SLC27A4: variants seen among roughly 807,000 people sequenced by gnomAD.
SLC27A4 encodes long-chain fatty acid transport protein 4.
In SLC27A4, 33 loss-of-function variants were observed where a neutral mutation model predicts 64.4. That is an observed-to-expected ratio of 0.51 (90% CI 0.39 to 0.68). The LOEUF (loss-of-function observed/expected upper bound fraction) is 0.68, where lower values mean the gene tolerates loss of function less well. Ranked by LOEUF, SLC27A4 falls within the 30% of genes least tolerant of loss-of-function variation. The pLI is 0.00. For synonymous variants in SLC27A4, 377 were observed against 370.0 expected, an observed-to-expected ratio of 1.02 and a Z score of -0.22; for missense variants, 824 against 883.5, an observed-to-expected ratio of 0.93 and a Z score of 0.85.
In SLC27A4 at chr9:128,360,370, A is replaced by G. The variant is rs1238531438; in HGVS notation, c.1811A>G (p.Glu604Gly). The part of the protein sequence containing the change: ...YKFQKTELRK[E>G]GFDPAIVKDP... Reference sequence around the variant, plus strand: ...TTCCAGAAGACAGAGCTACGGAAGGAGGGCTTTGACCCGGCTATTGTGAAA... The same window carrying G: ...TTCCAGAAGACAGAGCTACGGAAGGGGGGCTTTGACCCGGCTATTGTGAAA... Residue 604 changes from glutamate (E) to glycine (G), a missense_variant, in exon 13 of 13, where the codon GAG (glutamate) becomes GGG (glycine). By Grantham distance (98) the Glu-to-Gly change is moderately conservative. Coordinates refer to ENST00000300456, the MANE Select transcript of SLC27A4 (RefSeq NM_005094.4). 2 of 1,614,028 alleles carry G rather than the reference A, an allele frequency of 1.2e-6. No homozygotes were observed. The highest frequency in any genetic ancestry group is 3.3e-5 in the Admixed American group (2 of 59,986).
At chr9:128,350,280 C>T in intron 4 of SLC27A4, 32 bp from the exon 5 acceptor site, 2 of 1,604,116 alleles carry the variant, frequency 1.2e-6, no homozygotes. Context: ...CCTGAGCTGC[C>T]CCCGACAGCC....
At chr9:128,342,084 A>T in intron 1 of SLC27A4, 1 of 679,272 alleles carries the variant, frequency 1.5e-6, no homozygotes, top group Non-Finnish European at 2.7e-6. Flanking sequence ...ATCCGGTTTT[A>T]GGGACCCTGG....
rs1832555633 is a variant in SLC27A4 at position 128,340,669 on chromosome 9, C to T, written c.-176C>T. 1 of 251,824 alleles carries T rather than the reference C, an allele frequency of 4.0e-6. No homozygotes were observed. 15.6% of individuals were successfully genotyped at this position (251,824 alleles called of 1,614,324 possible). A position where few individuals can be genotyped will look rare whatever the true frequency, so the allele number is the denominator to read the frequency against. ...TAGGAGCGCGGCGGGCGGGGCCGGGCGGCGGGCGGGGCTGGCGGGGCGGCC... is the reference window on the plus strand; with the variant it reads ...TAGGAGCGCGGCGGGCGGGGCCGGGTGGCGGGCGGGGCTGGCGGGGCGGCC... On this transcript the variant is annotated 5_prime_UTR_variant, in exon 1 of 13. Coordinates refer to ENST00000300456, the MANE Select transcript of SLC27A4 (RefSeq NM_005094.4).
chr9:128,360,455 C>T lies in SLC27A4; in HGVS notation c.1896C>T (p.Ala632=). Reference sequence around the variant, plus strand: ...GCTACGTCCCGCTGGACCAAGAGGCCTACAGCCGCATCCAGGCAGGCGAGG... The same window carrying T: ...GCTACGTCCCGCTGGACCAAGAGGCTTACAGCCGCATCCAGGCAGGCGAGG... ...KGRYVPLDQE[A]YSRIQAGEEK... The change falls in exon 13 of 13, where the codon GCC becomes GCT. Residue 632 remains alanine, a synonymous_variant. Coordinates refer to ENST00000300456, the MANE Select transcript of SLC27A4 (RefSeq NM_005094.4). 2 of 1,614,072 alleles carry T rather than the reference C, an allele frequency of 1.2e-6. No individual in the cohort carries two copies. The highest frequency in any genetic ancestry group is 1.7e-6 in the Non-Finnish European group (2 of 1,180,040).
At chr9:128,352,555 T>C in intron 6 of SLC27A4, 83 bp from the exon 7 acceptor site, 6 of 1,113,354 alleles carry the variant, frequency 5.4e-6, no homozygotes, top group Non-Finnish European at 8.1e-6. Context: ...CAAGCCTGCC[T>C]GGCTGGATGG....
Position 128,350,487 on chromosome 9 carries a change from T to A in SLC27A4, c.789T>A (p.Tyr263Ter), listed in dbSNP as rs1162638030. Residue 263 changes from tyrosine (Y) to a stop codon, truncating the protein, a stop_gained, in exon 6 of 13, where the codon TAT becomes TAA. Coordinates refer to ENST00000300456, the MANE Select transcript of SLC27A4 (RefSeq NM_005094.4). LOFTEE classifies it high-confidence loss of function. ...PKAAIVVHSR[Y>*]YRMAALVYYG... is the part of the protein sequence containing the mutation. ...CCTTGGCCCTGTGCCTTCCCAGGTA[T>A]TACCGCATGGCTGCCCTGGTGTACT... 3 of 1,613,960 alleles carry A rather than the reference T, an allele frequency of 1.9e-6. No homozygotes were observed. The highest frequency in any genetic ancestry group is 2.5e-6 in the Non-Finnish European group (3 of 1,179,960).
At chr9:128,358,630 A>G (rs1294092351) in intron 12 of SLC27A4, among the ~76,000 whole-genome samples, 1 of 152,074 alleles carries the variant, frequency 6.6e-6, no homozygotes, top group Non-Finnish European at 1.5e-5. Context: ...TTTTTTTATT[A>G]GACATGGGGT....
At chr9:128,352,867 G>A in intron 7 of SLC27A4, 120 bp downstream of exon 7, 1 of 1,069,460 alleles carries the variant, frequency 9.4e-7, no homozygotes, top group Non-Finnish European at 1.4e-6. Context: ...CTCATTTGTG[G>A]CAAAGTTCCC....
Position 128,353,306 on chromosome 9 carries a change from G to A in SLC27A4, c.1197+72G>A. On this transcript the variant is annotated intron_variant, in intron 8 of 12. Coordinates refer to ENST00000300456, the MANE Select transcript of SLC27A4 (RefSeq NM_005094.4). The surrounding 1 kb of genome is among the most constrained non-coding windows in gnomAD (Gnocchi z 4.9). ...CAGAAGGCACTGGATGCAGAGGGGA[G>A]GGCAGAGTTCGAGCGTGAGAGTGTG... 2 of 1,608,662 alleles carry A rather than the reference G, an allele frequency of 1.2e-6. No individual in the cohort carries two copies. The highest frequency in any genetic ancestry group is 1.1e-5 in the South Asian group (1 of 90,924).
intron 6 of SLC27A4, among the ~76,000 whole-genome samples, chr9:128,351,460 C>T (rs952332492): frequency 1.6e-4 from 24 of 152,036 alleles, no homozygotes; most frequent in African/African-American, 5.5e-4. Flanking sequence ...CGCAGTGGCT[C>T]ACGCCTGTAA....
chr9:128,345,273 A>C lies in SLC27A4; in HGVS notation c.280A>C (p.Ile94Leu), dbSNP rs748282554. ...VRRHPDKTALIFEGTDTHWTF... is the reference protein window; with the variant it reads ...VRRHPDKTALLFEGTDTHWTF... ...GCGCCACCCCGACAAGACGGCCCTG[A>C]TCTTCGAGGGCACAGATACCCACTG... Residue 94 changes from isoleucine (I) to leucine (L), a missense_variant, in exon 3 of 13, where the codon ATC becomes CTC. By Grantham distance (5) the Ile-to-Leu change is conservative. Transcript: ENST00000300456. This position sits in a 1 kb window ranked among gnomAD's most constrained non-coding sequence, Gnocchi z 4.1. 1 of 1,613,742 alleles carries C rather than the reference A, an allele frequency of 6.2e-7. No homozygotes were observed. Among genetic ancestry groups the C allele is most frequent in the Admixed American group, 1.7e-5 (1 of 59,988 alleles).
intron 3 of SLC27A4, among the ~76,000 whole-genome samples, chr9:128,346,921 C>G (rs1023833540): frequency 6.6e-6 from 1 of 151,994 alleles, no homozygotes; most frequent in East Asian, 1.9e-4. Context: ...AGGAGAATCG[C>G]TTGAACCCAG....
chr9:128,357,440 A>G (rs138927286), intron 12 of SLC27A4, among the ~76,000 whole-genome samples: 30 of 151,004 alleles, frequency 2.0e-4, no homozygotes, highest in Admixed American at 5.3e-4. Context: ...ACTCTGTCTC[A>G]AAAAAAAAGC....
intron 1 of SLC27A4, chr9:128,342,332 C>T (rs924823027): frequency 4.0e-5 from 64 of 1,611,828 alleles, no homozygotes; most frequent in Non-Finnish European, 4.7e-5. Context: ...TCCAAAGAAA[C>T]GATTGAACAG....
intron 12 of SLC27A4, among the ~76,000 whole-genome samples, chr9:128,357,089 G>A (rs1355244374): frequency 7.1e-6 from 1 of 140,134 alleles, no homozygotes; most frequent in Non-Finnish European, 1.6e-5. Context: ...GTGAGACTCC[G>A]TCTCAAAAAA....
chr9:128,348,437 C>G lies in SLC27A4; in HGVS notation c.557-108C>G, dbSNP rs1248049480. The G allele has an allele frequency of 5.0e-6, 7 of 1,406,252 alleles. No individual in the cohort carries two copies. The Admixed American group carries it at 6.7e-5, about 14-fold the overall frequency. The allele number at this position is 1,406,252 out of a possible 1,614,324, so 87.1% of individuals were successfully genotyped here. On this transcript the variant is annotated intron_variant, in intron 3 of 12. Coordinates refer to ENST00000300456, the MANE Select transcript of SLC27A4 (RefSeq NM_005094.4). ...GCCCAGTTGCTTCACTGCCTCTCCT[C>G]CTGCCCAGCCAGTATCCTCAGCAAC...
At chr9:128,346,480 C>T (rs1388527719) in intron 3 of SLC27A4, among the ~76,000 whole-genome samples, 1 of 149,048 alleles carries the variant, frequency 6.7e-6, no homozygotes, top group South Asian at 2.2e-4. Flanking sequence ...GTGATCCACC[C>T]GCCTCGGCCT....
In SLC27A4 at chr9:128,348,708, G is replaced by A; in HGVS notation, c.715+5G>A. 2 of 1,613,746 alleles carry A rather than the reference G, an allele frequency of 1.2e-6. No individual in the cohort carries two copies. The highest frequency in any genetic ancestry group is 1.7e-6 in the Non-Finnish European group (2 of 1,179,996). Reference sequence around the variant, plus strand: ...GCCCTGACAAGGGCTTCACAGGTGGGCTCCATCCCCTCCCCATAGAGGGGC... The same window carrying A: ...GCCCTGACAAGGGCTTCACAGGTGGACTCCATCCCCTCCCCATAGAGGGGC... On this transcript the variant is annotated splice_donor_5th_base_variant and intron_variant, in intron 4 of 12. Transcript: ENST00000300456.
At chr9:128,359,729 C>T (rs975159742) in intron 12 of SLC27A4, among the ~76,000 whole-genome samples, 1 of 152,140 alleles carries the variant, frequency 6.6e-6, no homozygotes, top group Non-Finnish European at 1.5e-5. Context: ...CACTTGAGGT[C>T]GGCAGGTGGA....
Sources: gnomAD v4.1 joint callset for allele counts (sites outside exome capture counted in the v4.1 genomes callset) on GRCh38, gnomAD v4.1.1 for gene constraint, Gnocchi (gnomAD v3.1) non-coding constraint, MANE v1.5 for transcripts, NCBI Gene and HGNC (gene_info 2026-07-23, HGNC 2026-07-21) for gene names.